Variants in ASB4 observed in about 807,000 individuals in gnomAD.
ASB4 encodes ankyrin repeat and SOCS box protein 4.
Under a neutral mutation model 38.6 loss-of-function variants are expected in ASB4, and 35 were observed. The observed-to-expected ratio is 0.91, with a 90% CI of 0.69 to 1.20. The LOEUF is 1.20. ASB4 is among the 50% of genes most tolerant of loss of function. The pLI is 0.00. For synonymous variants in ASB4, 195 were observed against 201.3 expected (o/e 0.97, Z 0.26); for missense variants, 557 against 527.2 (o/e 1.06, Z -0.55).
At chr7:95,535,389 G>A (rs376382733) in intron 3 of ASB4, among the ~76,000 whole-genome samples, 1 of 152,196 alleles carries the variant, frequency 6.6e-6, no homozygotes, top group East Asian at 1.9e-4. Flanking sequence ...CCAAGTGAAA[G>A]GGGCTTTAGG....
intron 2 of ASB4, among the ~76,000 whole-genome samples, chr7:95,514,637 C>T (rs754757355): frequency 2.4e-4 from 36 of 152,092 alleles, no homozygotes; most frequent in Non-Finnish European, 2.9e-4. Flanking sequence ...AAAAGATAGT[C>T]TCAGATGATT....
the ASB4 span, among the ~76,000 whole-genome samples, chr7:95,471,220 C>T: frequency 6.6e-6 from 1 of 152,142 alleles, no homozygotes; most frequent in Admixed American, 6.5e-5. Context: ...GACGCACGTC[C>T]CCTTCAAATG....
intron 2 of ASB4, among the ~76,000 whole-genome samples, chr7:95,511,937 G>A (rs1246224185): frequency 2.6e-5 from 4 of 152,084 alleles, no homozygotes; most frequent in African/African-American, 9.7e-5. Flanking sequence ...ATTAGTCTCG[G>A]GACTGCCTTG....
chr7:95,527,901 C>T lies in ASB4; in HGVS notation c.576C>T (p.Ala192=). The T allele has an allele frequency of 3.7e-6, 6 of 1,614,088 alleles. No homozygotes were observed. Among genetic ancestry groups the T allele is most frequent in the Non-Finnish European group, 5.1e-6 (6 of 1,180,016 alleles). ...AAHFGLSELV[A]FYVEHGAIVD... ...ACTTCGGCCTTTCGGAGCTGGTGGCCTTCTACGTGGAACACGGGGCCATAG... is the reference window on the plus strand; with the variant it reads ...ACTTCGGCCTTTCGGAGCTGGTGGCTTTCTACGTGGAACACGGGGCCATAG... The change falls in exon 3 of 5, where the codon GCC becomes GCT. Residue 192 remains alanine (A), a synonymous_variant. Transcript: ENST00000325885.
At chr7:95,546,954 T>C in the ASB4 span, among the ~76,000 whole-genome samples, 2 of 152,220 alleles carry the variant, frequency 1.3e-5, no homozygotes, top group African/African-American at 4.8e-5. Flanking sequence ...CACATTCAGA[T>C]ACCTGGGGTG....
chr7:95,546,230 T>C, the ASB4 span, among the ~76,000 whole-genome samples: 1 of 152,194 alleles, frequency 6.6e-6, no homozygotes, highest in Non-Finnish European at 1.5e-5. Context: ...ACCCTGCACA[T>C]TCCACAAATG....
chr7:95,515,219 TTC>T lies in ASB4; in HGVS notation c.488-12592_488-12591del, dbSNP rs750599766. 8.7e-4 allele frequency among the ~76,000 whole-genome samples: 114 copies of T among 130,860 alleles called. 3 individuals are homozygous for T. The highest frequency in any genetic ancestry group is 3.9e-3 in the Middle Eastern group (1 of 258). The allele number at this position is 130,860 out of a possible 152,430, so 85.8% of individuals were successfully genotyped here. Reference sequence around the variant, plus strand: ...TTTCTTTCTTTCTTTCTTTCTTTCTTTCTTTCTTTCTTTTTCTTTCTTTCTTT... The same window carrying T: ...TTTCTTTCTTTCTTTCTTTCTTTCTTTTTCTTTCTTTTTCTTTCTTTCTTT... On this transcript the variant is annotated intron_variant, in intron 2 of 4. Coordinates refer to ENST00000325885, the MANE Select transcript of ASB4 (RefSeq NM_016116.3).
At chr7:95,546,262 C>T in the ASB4 span, among the ~76,000 whole-genome samples, 1 of 152,170 alleles carries the variant, frequency 6.6e-6, no homozygotes, top group Non-Finnish European at 1.5e-5. Flanking sequence ...ACATATCTAA[C>T]AAAAATATGT....
At chr7:95,501,614 C>A (rs1790338588) in intron 2 of ASB4, among the ~76,000 whole-genome samples, 1 of 152,210 alleles carries the variant, frequency 6.6e-6, no homozygotes, top group Non-Finnish European at 1.5e-5. Context: ...TATTCATCAT[C>A]CGGTGTAACT....
At chr7:95,489,433 C>T (rs146138432) in intron 1 of ASB4, among the ~76,000 whole-genome samples, 1 of 152,196 alleles carries the variant, frequency 6.6e-6, no homozygotes, top group Non-Finnish European at 1.5e-5. Flanking sequence ...TCCTGTCTTT[C>T]TCCAGCACCT....
At chr7:95,520,826 C>G (rs1790652306) in intron 2 of ASB4, among the ~76,000 whole-genome samples, 1 of 152,092 alleles carries the variant, frequency 6.6e-6, no homozygotes, top group South Asian at 2.1e-4. Flanking sequence ...GTCCAGTTTT[C>G]TCTTTATGCA....
At chr7:95,498,833 G>A (rs1790289533) in intron 2 of ASB4, among the ~76,000 whole-genome samples, 1 of 152,088 alleles carries the variant, frequency 6.6e-6, no homozygotes, top group Non-Finnish European at 1.5e-5. Flanking sequence ...TATGGTATAA[G>A]TTATGGGTTA....
chr7:95,541,239 G>A (rs1473245934), downstream of ASB4, among the ~76,000 whole-genome samples: 1 of 152,172 alleles, frequency 6.6e-6, no homozygotes, highest in Non-Finnish European at 1.5e-5. Flanking sequence ...AATGAGAATA[G>A]TCACGGTGCC....
At chr7:95,473,487 G>T (rs566991407), upstream of ASB4, among the ~76,000 whole-genome samples, 1 of 152,304 alleles carries the variant, frequency 6.6e-6, no homozygotes, top group South Asian at 2.1e-4. Context: ...GCGGAGCCTG[G>T]CTGGGTGTGC....
chr7:95,527,313 A>T (rs1199911982), intron 2 of ASB4, among the ~76,000 whole-genome samples: 2 of 152,208 alleles, frequency 1.3e-5, no homozygotes, highest in Admixed American at 6.5e-5. Flanking sequence ...AAGTTTCCAT[A>T]CCACTAAAGT....
At chr7:95,510,056 C>T (rs1258465074) in intron 2 of ASB4, among the ~76,000 whole-genome samples, 3 of 151,860 alleles carry the variant, frequency 2.0e-5, no homozygotes, top group Admixed American at 2.0e-4. Flanking sequence ...AAAAGAGAAG[C>T]TTAAATGCTA....
upstream of ASB4, chr7:95,478,413 A>G (rs1789996374): frequency 1.3e-5 from 2 of 152,300 alleles, no homozygotes; most frequent in Non-Finnish European, 1.5e-5. Context: ...TTTGATCTGA[A>G]AAAACCTTGT....
At chr7:95,505,078 A>C (rs13238692) in intron 2 of ASB4, among the ~76,000 whole-genome samples, 1 of 152,226 alleles carries the variant, frequency 6.6e-6, no homozygotes, top group Non-Finnish European at 1.5e-5. Flanking sequence ...CTCTCGTCAC[A>C]GTCTCTTCAG....
chr7:95,546,020 T>C, the ASB4 span, among the ~76,000 whole-genome samples: 2 of 152,338 alleles, frequency 1.3e-5, no homozygotes, highest in East Asian at 1.9e-4. Flanking sequence ...TACAGAGTAA[T>C]GCATAGAATC....
Sources: gnomAD v4.1 joint callset for allele counts (sites outside exome capture counted in the v4.1 genomes callset) on GRCh38, gnomAD v4.1.1 for gene constraint, MANE v1.5 for transcripts, NCBI Gene and HGNC (gene_info 2026-07-23, HGNC 2026-07-21) for gene names.